Variants in RALGAPA2 observed in about 807,000 individuals in gnomAD.
The protein encoded by RALGAPA2 is ral GTPase-activating protein subunit alpha-2.
RALGAPA2 carries 139 observed loss-of-function variants against 230.4 expected under a neutral mutation model. The ratio of observed to expected loss-of-function variants is 0.60; its 90% CI spans 0.53 to 0.69. RALGAPA2 has a LOEUF of 0.69. RALGAPA2 is among the 30% of genes least tolerant of loss of function. The pLI is 0.00. For synonymous variants in RALGAPA2, 847 were observed against 837.8 expected, an observed-to-expected ratio of 1.01 and a Z score of -0.19; for missense variants, 2,163 against 2,276.0, an observed-to-expected ratio of 0.95 and a Z score of 1.01.
intron 35 of RALGAPA2, among the ~76,000 whole-genome samples, chr20:20,495,625 C>T (rs1881957678): frequency 1.3e-5 from 2 of 152,164 alleles, no homozygotes; most frequent in South Asian, 2.1e-4. Flanking sequence ...ATTAACAACA[C>T]GTGTCTTTTA....
chr20:20,447,950 T>TG (rs1464987559), intron 37 of RALGAPA2, among the ~76,000 whole-genome samples: 1 of 152,190 alleles, frequency 6.6e-6, no homozygotes, highest in Non-Finnish European at 1.5e-5. Context: ...CTGCCTTCCT[T>TG]GTGCTCCAAT....
chr20:20,605,076 G>A, intron 15 of RALGAPA2, 99 bp downstream of exon 15: 1 of 981,046 alleles, frequency 1.0e-6, no homozygotes, highest in Non-Finnish European at 1.6e-6. Context: ...AGTTGGTTCA[G>A]TTCATTATAA....
At chr20:20,672,348 A>G (rs1334200742) in intron 3 of RALGAPA2, among the ~76,000 whole-genome samples, 1 of 152,242 alleles carries the variant, frequency 6.6e-6, no homozygotes, top group Admixed American at 6.5e-5. Context: ...CAGCATAATT[A>G]GACAAACACT....
At chr20:20,562,888 T>G (rs2064300180) in intron 23 of RALGAPA2, among the ~76,000 whole-genome samples, 1 of 152,234 alleles carries the variant, frequency 6.6e-6, no homozygotes, top group Non-Finnish European at 1.5e-5. Flanking sequence ...CAGTCATCTA[T>G]CTGAAGTCTT....
intron 7 of RALGAPA2, among the ~76,000 whole-genome samples, chr20:20,639,079 G>A (rs2066948681): frequency 6.6e-6 from 1 of 152,168 alleles, no homozygotes; most frequent in African/African-American, 2.4e-5. Flanking sequence ...TTGTGGTTTG[G>A]GGCTTGCCAC....
At chr20:20,429,530 G>C (rs1218299448) in intron 37 of RALGAPA2, among the ~76,000 whole-genome samples, 1 of 152,146 alleles carries the variant, frequency 6.6e-6, no homozygotes. Context: ...ACATTAATTT[G>C]ATTCTTTCCT....
chr20:20,615,129 G>A (rs1436986628), intron 13 of RALGAPA2, among the ~76,000 whole-genome samples: 1 of 151,652 alleles, frequency 6.6e-6, no homozygotes, highest in African/African-American at 2.4e-5. Context: ...GAGCATCAGT[G>A]AAAATACCTC....
At chr20:20,485,930 A>G (rs1237377369) in intron 36 of RALGAPA2, among the ~76,000 whole-genome samples, 2 of 152,182 alleles carry the variant, frequency 1.3e-5, no homozygotes, top group African/African-American at 2.4e-5. Flanking sequence ...ACTTGAGCCC[A>G]GGAGTTCAAG....
At chr20:20,426,572 G>A (rs2060386987) in intron 37 of RALGAPA2, among the ~76,000 whole-genome samples, 1 of 152,196 alleles carries the variant, frequency 6.6e-6, no homozygotes, top group Admixed American at 6.5e-5. Flanking sequence ...TCTGCTTAGG[G>A]GTGAGGAAGG....
intron 16 of RALGAPA2, among the ~76,000 whole-genome samples, chr20:20,594,910 T>C (rs2065406011): frequency 6.6e-6 from 1 of 151,940 alleles, no homozygotes; most frequent in African/African-American, 2.4e-5. Context: ...TTAGTAAAGA[T>C]GGGGTTTCAC....
At chr20:20,461,157 A>T (rs1271731646) in intron 37 of RALGAPA2, among the ~76,000 whole-genome samples, 1 of 152,178 alleles carries the variant, frequency 6.6e-6, no homozygotes, top group African/African-American at 2.4e-5. Context: ...TAGTCTTCTG[A>T]TGTGCATATG....
rs995828733 is a variant in RALGAPA2, at chr20:20,531,809, A to G, written c.3474-14T>C. On this transcript the variant is annotated splice_polypyrimidine_tract_variant and intron_variant, in intron 26 of 39. Coordinates refer to ENST00000202677, the MANE Select transcript of RALGAPA2 (RefSeq NM_020343.4). ...ACAGCAATGCATCTTTTTAAAAAGA[A>G]GAAAACAGAGGAAAACTCTCATGAA... is the stretch of plus-strand genomic sequence containing the variant. 5.8e-6 allele frequency: 9 copies of G among 1,554,552 alleles called. No homozygotes were observed. The East Asian group carries it at 2.1e-4, about 36-fold the overall frequency.
intron 37 of RALGAPA2, among the ~76,000 whole-genome samples, chr20:20,423,497 C>G (rs2060320490): frequency 6.6e-6 from 1 of 152,214 alleles, no homozygotes; most frequent in Non-Finnish European, 1.5e-5. Flanking sequence ...AGCAGGGTTC[C>G]TGCAGAGCCT....
rs772481546 is a variant in RALGAPA2, at chr20:20,620,600, C to A, written c.1264G>T (p.Val422Leu). ...TACACTTGAACTACTTTTCTTGTTA[C>A]AGCTATCTCACAGGAAGGCAACAAA... The part of the protein sequence containing the change: ...AFLLPSCEIA[V>L]TRKVVQVYRK... Residue 422 changes from valine (V) to leucine (L), a missense_variant, in exon 11 of 40, where the codon GTA becomes TTA. Physicochemically the swap from Val to Leu is conservative, Grantham distance 32 (BLOSUM62 1). Coordinates refer to ENST00000202677, the MANE Select transcript of RALGAPA2 (RefSeq NM_020343.4). The A allele has an allele frequency of 1.2e-6, 2 of 1,611,816 alleles. No homozygotes were observed. Among genetic ancestry groups the A allele is most frequent in the Non-Finnish European group, 1.7e-6 (2 of 1,179,246 alleles).
intron 4 of RALGAPA2, among the ~76,000 whole-genome samples, chr20:20,646,246 G>T (rs1454748484): frequency 6.6e-6 from 1 of 151,988 alleles, no homozygotes; most frequent in African/African-American, 2.4e-5. Flanking sequence ...GTAGACATGG[G>T]GTTTCACCAT....
intron 20 of RALGAPA2, 135 bp from the exon 21 acceptor site, chr20:20,573,203 A>C: frequency 2.7e-6 from 2 of 746,252 alleles, no homozygotes; most frequent in Non-Finnish European, 4.1e-6. Context: ...TGAGAATTTA[A>C]AAGGAGAGAA....
At position 20,633,975 on chromosome 20, in the gene RALGAPA2, C is replaced by T. The variant is rs986324929; in HGVS notation, c.1005+1443G>A. 5.9e-5 allele frequency among the ~76,000 whole-genome samples: 9 copies of T among 152,158 alleles called. No homozygotes were observed. In the East Asian group the frequency reaches 1.3e-3, roughly 23 times the overall value. ...GAGAGAGAAAGAGATTGCAGGATTG[C>T]AGATTTGATTAGATGTTCAATACTA... On this transcript the variant is annotated intron_variant, in intron 9 of 39. Coordinates refer to ENST00000202677, the MANE Select transcript of RALGAPA2 (RefSeq NM_020343.4).
At chr20:20,662,297 C>T (rs2067807909) in intron 3 of RALGAPA2, among the ~76,000 whole-genome samples, 1 of 148,676 alleles carries the variant, frequency 6.7e-6, no homozygotes, top group South Asian at 2.1e-4. Context: ...TTTAAACACT[C>T]AAGTTAAAAA....
At chr20:20,596,746 G>A (rs779292722) in intron 16 of RALGAPA2, among the ~76,000 whole-genome samples, 6 of 152,198 alleles carry the variant, frequency 3.9e-5, no homozygotes, top group East Asian at 1.9e-4. Flanking sequence ...ACTGCAGACC[G>A]AGCCCAGGCC....
Sources: allele counts gnomAD v4.1 joint callset (sites outside exome capture counted in the v4.1 genomes callset), GRCh38; gene constraint gnomAD v4.1.1; transcripts MANE v1.5; gene names NCBI Gene and HGNC (gene_info 2026-07-23, HGNC 2026-07-21).